Variants in SIGLEC6 observed in about 807,000 individuals in gnomAD.
SIGLEC6 encodes sialic acid binding Ig like lectin 6.
Under a neutral mutation model 41.4 loss-of-function variants are expected in SIGLEC6, and 31 were observed. That is an observed-to-expected ratio of 0.75 (90% CI 0.56 to 1.01). The LOEUF (loss-of-function observed/expected upper bound fraction) is 1.01. Among genes scored for constraint, SIGLEC6 ranks in the 50% least tolerant of loss-of-function variants. The pLI is 0.00. For missense variants in SIGLEC6, 555 were observed against 558.6 expected, an observed-to-expected ratio of 0.99 and a Z score of 0.06; for synonymous variants, 217 against 231.0, an observed-to-expected ratio of 0.94 and a Z score of 0.55.
At chr19:51,521,738 T>C (rs1382335415) in intron 7 of SIGLEC6, among the ~76,000 whole-genome samples, 1 of 152,152 alleles carries the variant, frequency 6.6e-6, no homozygotes, top group Non-Finnish European at 1.5e-5. Context: ...GAATCATGAC[T>C]TGAATTATTC....
In SIGLEC6 at chr19:51,518,860, GA is replaced by G. The variant is rs1369966016; in HGVS notation, c.*1221del. Reference sequence around the variant, plus strand: ...AAGATCATGTAGAGAGCCTTGAGCAGAAAGATGATGGATGGAAACCTTATTT... The same window carrying G: ...AAGATCATGTAGAGAGCCTTGAGCAGAAGATGATGGATGGAAACCTTATTT... On this transcript the variant is annotated 3_prime_UTR_variant, in exon 8 of 8. Transcript: ENST00000425629. 6.6e-6 allele frequency among the ~76,000 whole-genome samples: 1 copy of G among 152,174 alleles called. No individual in the cohort carries two copies. Among genetic ancestry groups the G allele is most frequent in the African/African-American group, 2.4e-5 (1 of 41,422 alleles).
At position 51,519,402 on chromosome 19, in the gene SIGLEC6, G is replaced by A. The variant is rs905925940; in HGVS notation, c.*680C>T. The A allele has an allele frequency of 6.6e-6, 1 of 150,750 alleles. No homozygotes were observed. Among genetic ancestry groups the A allele is most frequent in the Non-Finnish European group, 1.5e-5 (1 of 67,778 alleles). The allele number at this position is 150,750 out of a possible 1,614,324, so 9.3% of individuals were successfully genotyped here. A position where few individuals can be genotyped will look rare whatever the true frequency, so the allele number is the denominator to read the frequency against. ...CTTTGTGTCAGGGCCTTTGTTAGCT[G>A]TTTTACAGCTAACAAAGCTGTATGT... On this transcript the variant is annotated 3_prime_UTR_variant, in exon 8 of 8. Transcript: ENST00000425629.
chr19:51,531,314 GC>G lies in SIGLEC6; in HGVS notation c.272del (p.Gly91AlafsTer16), dbSNP rs766699623. On this transcript the variant is annotated frameshift_variant, in exon 2 of 8. Coordinates refer to ENST00000425629, the MANE Select transcript of SIGLEC6 (RefSeq NM_001245.7). LOFTEE classifies it high-confidence loss of function. ...PDEEVQEETR[G>X]RFHLLWDPRR... ...TGGGATCCCAGAGGAGGTGGAATCG[GC>G]CCCGGGTCTCCTCCTGCACTTCTTC... 1.2e-5 allele frequency: 20 copies of G among 1,614,046 alleles called. No homozygotes were observed. Among genetic ancestry groups the G allele is most frequent in the Non-Finnish European group, 1.7e-5 (20 of 1,180,026 alleles).
chr19:51,528,338 G>T, intron 5 of SIGLEC6, 85 bp from the exon 6 acceptor site: 2 of 1,122,178 alleles, frequency 1.8e-6, no homozygotes, highest in South Asian at 2.6e-5. Context: ...CCACTAATGT[G>T]ACCACCCCCA....
intron 7 of SIGLEC6, 88 bp from the exon 8 acceptor site, chr19:51,520,343 G>T: frequency 1.3e-6 from 1 of 747,012 alleles, no homozygotes; most frequent in Non-Finnish European, 2.0e-6. Context: ...AGAACTGATG[G>T]AACTTTATTA....
rs1324878289 is a variant in SIGLEC6, at chr19:51,531,372, G to A, written c.215C>T (p.Ala72Val). ...GTCGTTTGTGGCCACTGGAACATCA[G>A]CCCCTTCCAGGAACCAGTAGCCATA... The part of the protein sequence containing the change: ...YGYGYWFLEG[A>V]DVPVATNDPD... Residue 72 changes from alanine (A) to valine (V), a missense_variant, in exon 2 of 8, where the codon GCT becomes GTT. Ala to Val is a moderately conservative substitution (Grantham distance 64, BLOSUM62 0). Transcript: ENST00000425629. 1 of 1,614,180 alleles carries A rather than the reference G, an allele frequency of 6.2e-7. No individual in the cohort carries two copies. Among genetic ancestry groups the A allele is most frequent in the African/African-American group, 1.3e-5 (1 of 75,046 alleles).
At chr19:51,526,015 G>A (rs1437700588) in intron 7 of SIGLEC6, among the ~76,000 whole-genome samples, 4 of 151,736 alleles carry the variant, frequency 2.6e-5, no homozygotes, top group African/African-American at 4.8e-5. Context: ...GCCTCCAACC[G>A]TTACTCTTCA....
Position 51,531,216 on chromosome 19 carries a change from T to C in SIGLEC6, c.371A>G (p.Lys124Arg), listed in dbSNP as rs747823418. The C allele has an allele frequency of 6.2e-7, 1 of 1,612,316 alleles. No homozygotes were observed. The highest frequency in any genetic ancestry group is 8.5e-7 in the Non-Finnish European group (1 of 1,178,940). Residue 124 changes from lysine to arginine, a missense_variant, in exon 2 of 8, where the codon AAG becomes AGG. Lys to Arg is a conservative substitution (Grantham distance 26). Coordinates refer to ENST00000425629, the MANE Select transcript of SIGLEC6 (RefSeq NM_001245.7). Reference protein sequence around the residue: ...RDNAAYFFRLKSKWMKYGYTS... With the variant: ...RDNAAYFFRLRSKWMKYGYTS... ...ATAACCGTATTTCATCCATTTGGAC[T>C]TCAACCGAAAGAAGTATGCAGCATT...
rs577638791 is a variant in SIGLEC6 at position 51,522,324 on chromosome 19, C to T, written c.1189-2069G>A. On this transcript the variant is annotated intron_variant, in intron 7 of 7. Coordinates refer to ENST00000425629, the MANE Select transcript of SIGLEC6 (RefSeq NM_001245.7). ...ATTTTTAAAGGAAGATTAAAATATC[C>T]GGATAATCAACAATGTAACACGATG... is the stretch of plus-strand genomic sequence containing the variant. Among the ~76,000 whole-genome samples the T allele has an allele frequency of 7.9e-5, 12 of 152,254 alleles. No individual in the cohort carries two copies. The South Asian group carries it at 1.2e-3, about 16-fold the overall frequency.
intron 7 of SIGLEC6, among the ~76,000 whole-genome samples, chr19:51,524,338 T>C (rs1339058827): frequency 2.6e-5 from 4 of 152,184 alleles, no homozygotes; most frequent in Non-Finnish European, 5.9e-5. Flanking sequence ...AGAGTGGTAA[T>C]ATTAAATCAG....
chr19:51,529,620 G>A (rs1314365926), intron 5 of SIGLEC6, 104 bp downstream of exon 5: 1 of 1,455,982 alleles, frequency 6.9e-7, no homozygotes, highest in South Asian at 1.2e-5. Context: ...CAGTTGTGAG[G>A]GGTCTGGGGA....
rs370930504 is a variant in SIGLEC6, at chr19:51,530,725, C to G, written c.662G>C (p.Gly221Ala). ...GGTTCTCTCCATGGTCACACCGGCT[C>G]CAGGGAACGTCACCTGACAGGTGAG... The part of the protein sequence containing the change: ...TNLTCQVTFP[G>A]AGVTMERTIQ... The change falls in exon 3 of 8, where the codon GGA (glycine) becomes GCA (alanine). Residue 221 changes from glycine (G) to alanine (A), a missense_variant. Coordinates refer to ENST00000425629, the MANE Select transcript of SIGLEC6 (RefSeq NM_001245.7). The G allele has an allele frequency of 5.6e-6, 9 of 1,613,934 alleles. No individual in the cohort carries two copies. In the African/African-American group the frequency reaches 1.2e-4, roughly 22 times the overall value.
rs1980276294 is a variant in SIGLEC6 at position 51,531,191 on chromosome 19, A to G, written c.396T>C (p.Tyr132=). The G allele has an allele frequency of 2.5e-6, 4 of 1,603,550 alleles. No individual in the cohort carries two copies. Among genetic ancestry groups the G allele is most frequent in the Non-Finnish European group, 2.6e-6 (3 of 1,174,222 alleles). The change falls in exon 2 of 8, where the codon TAT becomes TAC. Residue 132 remains tyrosine, a synonymous_variant. Transcript: ENST00000425629. ...CACGCACAGAGAGCTTGGAAGATGT[A>G]TAACCGTATTTCATCCATTTGGACT... is the stretch of plus-strand genomic sequence containing the variant. ...RLKSKWMKYG[Y]TSSKLSVRVM...
In SIGLEC6 at chr19:51,530,975, G is replaced by A; in HGVS notation, c.428-16C>T. The A allele has an allele frequency of 1.2e-6, 2 of 1,607,220 alleles. No homozygotes were observed. Among genetic ancestry groups the A allele is most frequent in the Non-Finnish European group, 1.7e-6 (2 of 1,179,144 alleles). On this transcript the variant is annotated splice_polypyrimidine_tract_variant and intron_variant, in intron 2 of 7. Coordinates refer to ENST00000425629, the MANE Select transcript of SIGLEC6 (RefSeq NM_001245.7). ...TGGGTCAGGGCTGGTGAGGAGATGG[G>A]GACGCAGGATCAGGATGGAGGTCTG...
chr19:51,520,137 G>A lies in SIGLEC6; in HGVS notation c.1307C>T (p.Pro436Leu). Residue 436 changes from proline (P) to leucine (L), a missense_variant, in exon 8 of 8, where the codon CCT (proline) becomes CTT (leucine). By Grantham distance (98) the Pro-to-Leu change is moderately conservative (BLOSUM62 -3). Transcript: ENST00000425629. ...AGTGTCGGTGACCTTTGGTTCCTGAGGTTGCACCTTGTGGAAGTGTAGGAC... is the reference window on the plus strand; with the variant it reads ...AGTGTCGGTGACCTTTGGTTCCTGAAGTTGCACCTTGTGGAAGTGTAGGAC... ...YAVLHFHKVQ[P>L]QEPKVTDTEY... 6.2e-7 allele frequency: 1 copy of A among 1,602,136 alleles called. No individual in the cohort carries two copies. The highest frequency in any genetic ancestry group is 8.5e-7 in the Non-Finnish European group (1 of 1,170,872).
At chr19:51,526,314 GA>G (rs763901793) in intron 7 of SIGLEC6, among the ~76,000 whole-genome samples, 7 of 152,184 alleles carry the variant, frequency 4.6e-5, no homozygotes, top group Non-Finnish European at 7.3e-5. Context: ...CACTAGGAGG[GA>G]GCATGGCTGC....
rs60618267 is a variant in SIGLEC6 at position 51,531,135 on chromosome 19, G to A, written c.427+25C>T. On this transcript the variant is annotated intron_variant, in intron 2 of 7. Coordinates refer to ENST00000425629, the MANE Select transcript of SIGLEC6 (RefSeq NM_001245.7). ...ACGGCCCCCATGACCTTCCCCTGTG[G>A]CTAGTCCTGGAGCTGGTTCCTTACC... is the stretch of plus-strand genomic sequence containing the variant. The A allele has an allele frequency of 1.5e-3, 2,377 of 1,564,866 alleles. 36 individuals carry two copies. The East Asian group carries it at 0.033, about 22-fold the overall frequency.
chr19:51,523,581 A>AC (rs1182781261), intron 7 of SIGLEC6, among the ~76,000 whole-genome samples: 1 of 152,082 alleles, frequency 6.6e-6, no homozygotes, highest in Non-Finnish European at 1.5e-5. Context: ...TGATTGGACA[A>AC]CCCTGCTAGA....
chr19:51,519,408 C>T lies in SIGLEC6; in HGVS notation c.*674G>A, dbSNP rs1033467093. 2.0e-5 allele frequency: 3 copies of T among 148,962 alleles called. No individual in the cohort carries two copies. Among genetic ancestry groups the T allele is most frequent in the African/African-American group, 7.4e-5 (3 of 40,578 alleles). The allele number at this position is 148,962 out of a possible 1,614,324, so 9.2% of individuals were successfully genotyped here. A position where few individuals can be genotyped will look rare whatever the true frequency, so the allele number is the denominator to read the frequency against. ...GTCAGGGCCTTTGTTAGCTGTTTTA[C>T]AGCTAACAAAGCTGTATGTTAGCTG... On this transcript the variant is annotated 3_prime_UTR_variant, in exon 8 of 8. Coordinates refer to ENST00000425629, the MANE Select transcript of SIGLEC6 (RefSeq NM_001245.7).
Sources: gnomAD v4.1 joint callset for allele counts (sites outside exome capture counted in the v4.1 genomes callset) on GRCh38, gnomAD v4.1.1 for gene constraint, MANE v1.5 for transcripts, NCBI Gene and HGNC (gene_info 2026-07-23, HGNC 2026-07-21) for gene names.